SERPINB12: variants seen among roughly 807,000 people sequenced by gnomAD.
SERPINB12 encodes the protein serpin family B member 12, also known as serpin B12.
In SERPINB12, 57 loss-of-function variants were observed where a neutral mutation model predicts 41.1. The ratio of observed to expected loss-of-function variants is 1.39; its 90% CI spans 1.12 to 1.73. The LOEUF is 1.73. Ranked by LOEUF, SERPINB12 falls within the 40% of genes most tolerant of loss-of-function variation. The pLI is 0.00. For missense variants in SERPINB12, 536 were observed against 501.9 expected (o/e 1.07, Z -0.65); for synonymous variants, 180 against 181.3 (o/e 0.99, Z 0.06).
chr18:63,535,391 G>A, the SERPINB12 span, among the ~76,000 whole-genome samples: 2 of 152,068 alleles, frequency 1.3e-5, no homozygotes, highest in East Asian at 1.9e-4. Flanking sequence ...GTGATGCCCC[G>A]AGATAGCTCA....
At chr18:63,556,983 G>A (rs1340107904) in intron 2 of SERPINB12, among the ~76,000 whole-genome samples, 1 of 152,144 alleles carries the variant, frequency 6.6e-6, no homozygotes, top group East Asian at 1.9e-4. Flanking sequence ...TTTAAAACCT[G>A]AGCCAGATTC....
rs749886872 is a variant in SERPINB12 at position 63,558,472 on chromosome 18, C to A, written c.289C>A (p.Pro97Thr). 1.2e-6 allele frequency: 2 copies of A among 1,611,404 alleles called. No individual in the cohort carries two copies. The highest frequency in any genetic ancestry group is 3.4e-5 in the Admixed American group (2 of 59,370). Residue 97 changes from proline to threonine, a missense_variant, in exon 3 of 8, where the codon CCT becomes ACT. Coordinates refer to ENST00000382768, the MANE Select transcript of SERPINB12 (RefSeq NM_001307928.2). ...GGAGGGGCAGAAAAAAACGACAGAG[C>A]CTCTGGATCAGCAGGTGAACCGCCA... is the stretch of plus-strand genomic sequence containing the variant. ...SLEGQKKTTE[P>T]LDQQAGSLNN...
chr18:63,555,670 G>A (rs1174626360), intron 1 of SERPINB12, among the ~76,000 whole-genome samples: 1 of 152,118 alleles, frequency 6.6e-6, no homozygotes, highest in Non-Finnish European at 1.5e-5. Flanking sequence ...TACATACATG[G>A]ACAATAAAGA....
At chr18:63,553,023 T>C (rs568502346) in intron 1 of SERPINB12, among the ~76,000 whole-genome samples, 32 of 152,286 alleles carry the variant, frequency 2.1e-4, no homozygotes, top group African/African-American at 7.7e-4. Context: ...CTCAACTCCC[T>C]TGGGAGGTGA....
chr18:63,532,835 C>T, the SERPINB12 span, among the ~76,000 whole-genome samples: 1 of 152,144 alleles, frequency 6.6e-6, no homozygotes, highest in South Asian at 2.1e-4. Context: ...CAGAAGCAAA[C>T]CCCATCGCCA....
At chr18:63,547,145 G>A (rs1353245230) in intron 1 of SERPINB12, among the ~76,000 whole-genome samples, 1 of 152,178 alleles carries the variant, frequency 6.6e-6, no homozygotes, top group Admixed American at 6.5e-5. Context: ...TCATCACTGG[G>A]AGATATTAAC....
chr18:63,548,830 T>A (rs79135978), intron 1 of SERPINB12, among the ~76,000 whole-genome samples: 36 of 152,034 alleles, frequency 2.4e-4, no homozygotes, highest in Non-Finnish European at 4.9e-4. Context: ...GATTATGATA[T>A]AGCAGTTTCA....
rs1910294414 is a variant in SERPINB12, at chr18:63,542,553, C to T, written c.-19+61C>T. 1.3e-5 allele frequency among the ~76,000 whole-genome samples: 2 copies of T among 152,180 alleles called. 1 individual carries two copies. Among genetic ancestry groups the T allele is most frequent in the South Asian group, 4.1e-4 (2 of 4,834 alleles). On this transcript the variant is annotated intron_variant, in intron 1 of 7. Transcript: ENST00000382768. ...GAGATGCCTCTGGGGGCTAGTTGTC[C>T]TGGTAGTGAAGCTATATGTGTTGCA...
chr18:63,563,506 C>A (rs1008207524), intron 5 of SERPINB12, among the ~76,000 whole-genome samples: 7 of 152,190 alleles, frequency 4.6e-5, no homozygotes, highest in Non-Finnish European at 8.8e-5. Context: ...TGCCCCATCA[C>A]CCCCTCGCTT....
At chr18:63,548,265 A>C (rs1336429798) in intron 1 of SERPINB12, among the ~76,000 whole-genome samples, 1 of 152,154 alleles carries the variant, frequency 6.6e-6, no homozygotes, top group African/African-American at 2.4e-5. Context: ...AAAAATGGAA[A>C]AAAATACCTT....
rs970073557 is a variant in SERPINB12, at chr18:63,568,383, AAAAC to A, written c.*1384_*1387del. On this transcript the variant is annotated 3_prime_UTR_variant, in exon 8 of 8. Coordinates refer to ENST00000382768, the MANE Select transcript of SERPINB12 (RefSeq NM_001307928.2). The stretch of plus-strand genomic sequence containing the variant: ...GTGACAGAGCGAAACCCTGTCTCAA[AAAAC>A]AAACAAACAAAAAACCCAAAAAGCC... Among the ~76,000 whole-genome samples, 1 of 152,116 alleles carries A rather than the reference AAAAC, an allele frequency of 6.6e-6. No individual in the cohort carries two copies. The highest frequency in any genetic ancestry group is 2.4e-5 in the African/African-American group (1 of 41,406).
chr18:63,537,230 C>A, the SERPINB12 span, among the ~76,000 whole-genome samples: 1 of 152,102 alleles, frequency 6.6e-6, no homozygotes. Context: ...AAAGAAGTGG[C>A]CTGCAGAGAT....
At chr18:63,524,791 C>A in the SERPINB12 span, among the ~76,000 whole-genome samples, 1 of 149,642 alleles carries the variant, frequency 6.7e-6, no homozygotes, top group South Asian at 2.1e-4. Flanking sequence ...GCTCTGTCAC[C>A]CAGGCTGGAG....
chr18:63,536,117 T>A, the SERPINB12 span, among the ~76,000 whole-genome samples: 1 of 151,882 alleles, frequency 6.6e-6, no homozygotes, highest in African/African-American at 2.4e-5. Context: ...ATAGTTCTTT[T>A]AAGTATTCCC....
chr18:63,534,159 C>T, the SERPINB12 span, among the ~76,000 whole-genome samples: 4 of 152,254 alleles, frequency 2.6e-5, no homozygotes, highest in South Asian at 8.3e-4. Flanking sequence ...AAAAATTCCT[C>T]ACCAATATTT....
chr18:63,559,959 G>C (rs888242415), intron 4 of SERPINB12, among the ~76,000 whole-genome samples: 1 of 152,112 alleles, frequency 6.6e-6, no homozygotes, highest in African/African-American at 2.4e-5. Flanking sequence ...GGTGGGAAAA[G>C]GTTGTGTGAG....
At chr18:63,562,256 T>C (rs1038414606) in intron 5 of SERPINB12, among the ~76,000 whole-genome samples, 2 of 152,150 alleles carry the variant, frequency 1.3e-5, no homozygotes, top group African/African-American at 4.8e-5. Flanking sequence ...AGGACCAAAG[T>C]TAGTGACCTG....
intron 6 of SERPINB12, among the ~76,000 whole-genome samples, chr18:63,564,788 G>T (rs1911036855): frequency 6.6e-6 from 1 of 152,204 alleles, no homozygotes; most frequent in African/African-American, 2.4e-5. Context: ...GCTGGGCTGG[G>T]ATAGGCCCTA....
the SERPINB12 span, among the ~76,000 whole-genome samples, chr18:63,523,007 A>G: frequency 6.6e-6 from 1 of 152,196 alleles, no homozygotes; most frequent in Non-Finnish European, 1.5e-5. Flanking sequence ...ATAATTCAAC[A>G]TATTAATTCA....
Sources: allele counts gnomAD v4.1 joint callset (sites outside exome capture counted in the v4.1 genomes callset), GRCh38; gene constraint gnomAD v4.1.1; transcripts MANE v1.5; gene names NCBI Gene and HGNC (gene_info 2026-07-23, HGNC 2026-07-21).